Variants in GADL1 observed in about 807,000 individuals in gnomAD.
GADL1 encodes GAD like acidic amino acid decarboxylase 1.
GADL1 carries 71 observed loss-of-function variants against 69.5 expected under a neutral mutation model. The ratio of observed to expected loss-of-function variants is 1.02; its 90% CI spans 0.84 to 1.25. The LOEUF is 1.25. Ranked by LOEUF, GADL1 falls within the 50% of genes most tolerant of loss-of-function variation. GADL1 has a pLI of 0.00. For synonymous variants in GADL1, 254 were observed against 214.4 expected, an observed-to-expected ratio of 1.18 and a Z score of -1.62; for missense variants, 737 against 631.8, an observed-to-expected ratio of 1.17 and a Z score of -1.79.
intron 8 of GADL1, among the ~76,000 whole-genome samples, chr3:30,841,670 A>C (rs1187770763): frequency 1.3e-5 from 2 of 152,150 alleles, no homozygotes; most frequent in African/African-American, 4.8e-5. Flanking sequence ...GAGAGAAGGA[A>C]TTAGGACATC....
chr3:30,808,970 GCA>G (rs1309154387), intron 11 of GADL1, among the ~76,000 whole-genome samples: 1 of 152,126 alleles, frequency 6.6e-6, no homozygotes, highest in African/African-American at 2.4e-5. Flanking sequence ...CCAGTCTCAT[GCA>G]CAGTGACTAA....
chr3:30,839,149 G>GT (rs770729386), intron 8 of GADL1, 36 bp from the exon 9 acceptor site: 1 of 1,313,670 alleles, frequency 7.6e-7, no homozygotes, highest in South Asian at 1.6e-5. Flanking sequence ...AATTATCACT[G>GT]TCATCACTAA....
intron 14 of GADL1, among the ~76,000 whole-genome samples, chr3:30,770,721 A>G (rs1559494796): frequency 2.6e-5 from 4 of 152,198 alleles, no homozygotes. Context: ...CTCAGCCTGC[A>G]GAAATGCCAG....
intron 11 of GADL1, among the ~76,000 whole-genome samples, chr3:30,826,792 A>T (rs1266375320): frequency 6.6e-6 from 1 of 151,864 alleles, no homozygotes; most frequent in Non-Finnish European, 1.5e-5. Flanking sequence ...TACTAAAACA[A>T]AAATAACTTC....
chr3:30,854,567 TA>T, intron 4 of GADL1, 131 bp downstream of exon 4: 1 of 590,442 alleles, frequency 1.7e-6, no homozygotes, highest in South Asian at 2.5e-5. Flanking sequence ...ATAAGTATCA[TA>T]AAACTATTCC....
At chr3:30,732,347 T>C (rs1271826467) in intron 14 of GADL1, among the ~76,000 whole-genome samples, 3 of 151,918 alleles carry the variant, frequency 2.0e-5, no homozygotes, top group African/African-American at 4.8e-5. Flanking sequence ...TTCTTCAAAT[T>C]GTAAATCAAA....
At position 30,752,037 on chromosome 3, in the gene GADL1, G is replaced by A. The variant is rs904265955; in HGVS notation, c.1393-23622C>T. On this transcript the variant is annotated intron_variant, in intron 14 of 14. Transcript: ENST00000282538. The stretch of plus-strand genomic sequence containing the variant: ...TGAAATTAAACCCAGTAGGCAGAAT[G>A]CTTCTAAAGGCTACCCAGGCCCATG... 7.2e-5 allele frequency among the ~76,000 whole-genome samples: 11 copies of A among 152,198 alleles called. 1 individual carries two copies. Among genetic ancestry groups the A allele is most frequent in the Admixed American group, 2.0e-4 (3 of 15,264 alleles).
intron 14 of GADL1, among the ~76,000 whole-genome samples, chr3:30,769,761 CA>C (rs1272542774): frequency 6.6e-6 from 1 of 152,162 alleles, no homozygotes; most frequent in Non-Finnish European, 1.5e-5. Context: ...CACTACTTGA[CA>C]GATCTGACAG....
At chr3:30,825,907 T>TTAGCA (rs1334809078) in intron 11 of GADL1, among the ~76,000 whole-genome samples, 4 of 151,878 alleles carry the variant, frequency 2.6e-5, no homozygotes, top group African/African-American at 9.7e-5. Flanking sequence ...ATCTGCATGC[T>TTAGCA]TAGCACATGT....
At chr3:30,853,064 C>T (rs183506239) in intron 4 of GADL1, among the ~76,000 whole-genome samples, 3 of 152,256 alleles carry the variant, frequency 2.0e-5, no homozygotes, top group East Asian at 1.9e-4. Flanking sequence ...ATGCTCTCCT[C>T]GTGGCTGCCA....
Position 30,865,147 on chromosome 3 carries a change from T to C in GADL1, c.38-3382A>G, listed in dbSNP as rs1698381038. ...GTGGTCTTTTTCACCATGCTGATTC[T>C]TTCCTTAAACATCAGTTTCTCAGGG... On this transcript the variant is annotated intron_variant, in intron 1 of 14. Coordinates refer to ENST00000282538, the MANE Select transcript of GADL1 (RefSeq NM_207359.3). 2.0e-5 allele frequency among the ~76,000 whole-genome samples: 3 copies of C among 151,990 alleles called. No homozygotes were observed. The South Asian group carries it at 6.2e-4, about 32-fold the overall frequency.
At chr3:30,860,943 G>A (rs1698310512) in intron 2 of GADL1, among the ~76,000 whole-genome samples, 1 of 151,890 alleles carries the variant, frequency 6.6e-6, no homozygotes, top group Non-Finnish European at 1.5e-5. Flanking sequence ...TAGTGCTTTT[G>A]AAAGGATTAA....
intron 14 of GADL1, 88 bp from the exon 15 acceptor site, chr3:30,728,503 G>A: frequency 9.9e-7 from 1 of 1,007,540 alleles, no homozygotes; most frequent in Non-Finnish European, 1.5e-6. Context: ...GACATTTACT[G>A]GGCATCCACT....
At chr3:30,834,416 A>AC (rs1697840084) in intron 9 of GADL1, 135 bp from the exon 10 acceptor site, 2 of 712,774 alleles carry the variant, frequency 2.8e-6, no homozygotes, top group South Asian at 3.6e-5. Context: ...ACTAATTTGT[A>AC]CCCCAGGAAA....
chr3:30,821,409 CTTT>C (rs1320714356), intron 11 of GADL1, among the ~76,000 whole-genome samples: 1 of 151,566 alleles, frequency 6.6e-6, no homozygotes, highest in African/African-American at 2.4e-5. Flanking sequence ...TTTTTTTTCT[CTTT>C]TTTTATACAC....
At chr3:30,894,239 A>C (rs916639980) in intron 1 of GADL1, among the ~76,000 whole-genome samples, 5 of 152,154 alleles carry the variant, frequency 3.3e-5, no homozygotes, top group African/African-American at 4.8e-5. Context: ...AAGAAGCAAA[A>C]TCATCTTTTT....
chr3:30,753,647 G>GC (rs1258565211), intron 14 of GADL1, among the ~76,000 whole-genome samples: 2 of 151,974 alleles, frequency 1.3e-5, no homozygotes, highest in African/African-American at 4.8e-5. Context: ...TTGTTTACTT[G>GC]CGGGATGTGG....
chr3:30,761,474 A>G (rs1447648470), intron 14 of GADL1, among the ~76,000 whole-genome samples: 1 of 123,196 alleles, frequency 8.1e-6, no homozygotes, highest in Non-Finnish European at 1.8e-5. Context: ...CCTGGGGGAT[A>G]GATATGTTTA....
Position 30,850,950 on chromosome 3 carries a change from A to G in GADL1, c.429-9T>C. The G allele has an allele frequency of 1.4e-6, 2 of 1,456,862 alleles. No homozygotes were observed. Among genetic ancestry groups the G allele is most frequent in the Non-Finnish European group, 1.9e-6 (2 of 1,062,290 alleles). The allele number at this position is 1,456,862 out of a possible 1,614,324, so 90.2% of individuals were successfully genotyped here. On this transcript the variant is annotated splice_polypyrimidine_tract_variant and intron_variant, in intron 4 of 14. Transcript: ENST00000282538. ...ACACCTCATACGTATAACTAGATAG[A>G]TATAAAAAACACTTCACTTCTATGA...
Sources: gnomAD v4.1 joint callset for allele counts (sites outside exome capture counted in the v4.1 genomes callset) on GRCh38, gnomAD v4.1.1 for gene constraint, MANE v1.5 for transcripts, NCBI Gene and HGNC (gene_info 2026-07-23, HGNC 2026-07-21) for gene names.